Variants in SLC44A5 observed in about 807,000 individuals in gnomAD.
The protein encoded by SLC44A5 is choline transporter-like protein 5.
Under a neutral mutation model 101.8 loss-of-function variants are expected in SLC44A5, and 57 were observed. The observed-to-expected ratio is 0.56, with a 90% CI of 0.45 to 0.70. The LOEUF is 0.70. Ranked by LOEUF, SLC44A5 falls within the 30% of genes least tolerant of loss-of-function variation. The pLI is 0.00. For synonymous variants in SLC44A5, 281 were observed against 290.9 expected (o/e 0.97, Z 0.35); for missense variants, 737 against 853.1 (o/e 0.86, Z 1.70).
chr1:75,353,288 C>T (rs1165566356), intron 3 of SLC44A5, among the ~76,000 whole-genome samples: 2 of 152,208 alleles, frequency 1.3e-5, no homozygotes, highest in Admixed American at 1.3e-4. Context: ...TGAGCATCTG[C>T]TATCATTTTG....
At chr1:75,455,716 T>G (rs555077317) in intron 2 of SLC44A5, among the ~76,000 whole-genome samples, 2 of 152,110 alleles carry the variant, frequency 1.3e-5, no homozygotes, top group East Asian at 3.9e-4. Context: ...CAAACACTTC[T>G]CAAAATAAGA....
chr1:75,648,268 G>A, the SLC44A5 span, among the ~76,000 whole-genome samples: 25 of 152,202 alleles, frequency 1.6e-4, no homozygotes, highest in African/African-American at 5.8e-4. Context: ...CTTCCATGAT[G>A]TTTAAAAGTT....
intron 4 of SLC44A5, among the ~76,000 whole-genome samples, chr1:75,317,084 A>G (rs1453263514): frequency 1.3e-5 from 2 of 152,270 alleles, no homozygotes; most frequent in East Asian, 3.8e-4. Context: ...GAAAACTTCA[A>G]GTGAGCACTT....
chr1:75,601,532 T>TA (rs1162334904), intron 1 of SLC44A5, among the ~76,000 whole-genome samples: 1 of 151,882 alleles, frequency 6.6e-6, no homozygotes, highest in Non-Finnish European at 1.5e-5. Context: ...TAAAGTATAA[T>TA]AAAAAAGAGA....
chr1:75,553,614 G>C lies in SLC44A5; in HGVS notation c.-69-12098C>G, dbSNP rs541582427. ...AATGGGGGAGAAGGGAGGAAAGAAA[G>C]GTATGTCAATAAAAGATTCCATGTT... On this transcript the variant is annotated intron_variant, in intron 1 of 23. Coordinates refer to ENST00000370859, the MANE Select transcript of SLC44A5 (RefSeq NM_001130058.2). Among the ~76,000 whole-genome samples the C allele has an allele frequency of 7.1e-4, 108 of 152,248 alleles. 1 individual carries two copies. The Middle Eastern group carries it at 0.014, about 19-fold the overall frequency.
At chr1:75,516,937 A>G (rs911182141) in intron 2 of SLC44A5, among the ~76,000 whole-genome samples, 2 of 152,198 alleles carry the variant, frequency 1.3e-5, no homozygotes, top group East Asian at 1.9e-4. Flanking sequence ...AATTCTGTTC[A>G]TGGGAAGAAT....
chr1:75,489,040 G>T (rs1181004895), intron 2 of SLC44A5, among the ~76,000 whole-genome samples: 1 of 151,894 alleles, frequency 6.6e-6, no homozygotes, highest in African/African-American at 2.4e-5. Context: ...TGGAGATAGG[G>T]TTTCTCCATG....
intron 4 of SLC44A5, among the ~76,000 whole-genome samples, 161 bp from the exon 5 acceptor site, chr1:75,300,846 C>T (rs1359679779): frequency 2.0e-5 from 3 of 152,108 alleles, no homozygotes; most frequent in Non-Finnish European, 4.4e-5. Flanking sequence ...AGATGTATTT[C>T]TGCAAAGACA....
intron 5 of SLC44A5, among the ~76,000 whole-genome samples, chr1:75,294,729 C>A (rs1334986497): frequency 6.6e-6 from 1 of 152,034 alleles, no homozygotes; most frequent in Non-Finnish European, 1.5e-5. Flanking sequence ...CAAGTTGTGA[C>A]AGCATGAGTG....
intron 1 of SLC44A5, among the ~76,000 whole-genome samples, chr1:75,556,928 C>A (rs956894516): frequency 2.0e-5 from 3 of 152,018 alleles, no homozygotes; most frequent in African/African-American, 7.2e-5. Flanking sequence ...CACCACTACA[C>A]AATATATATG....
chr1:75,447,500 C>A (rs895811091), intron 2 of SLC44A5, among the ~76,000 whole-genome samples: 2 of 152,034 alleles, frequency 1.3e-5, no homozygotes, highest in Admixed American at 1.3e-4. Flanking sequence ...TCATGGAAAA[C>A]AAGAGATGCT....
the SLC44A5 span, among the ~76,000 whole-genome samples, chr1:75,666,930 C>T: frequency 7.9e-5 from 12 of 152,216 alleles, no homozygotes; most frequent in South Asian, 6.2e-4. Flanking sequence ...ATTGATGGAA[C>T]GTATCTCAAA....
chr1:75,495,997 T>A (rs1474357119), intron 2 of SLC44A5, among the ~76,000 whole-genome samples: 1 of 152,142 alleles, frequency 6.6e-6, no homozygotes, highest in Non-Finnish European at 1.5e-5. Context: ...AATTATTCAT[T>A]ATTAACTATA....
At chr1:75,403,598 C>T (rs918316617) in intron 2 of SLC44A5, among the ~76,000 whole-genome samples, 4 of 152,146 alleles carry the variant, frequency 2.6e-5, no homozygotes, top group African/African-American at 9.7e-5. Context: ...AGACCTGCAG[C>T]AGAGGAGCTT....
rs569001054 is a variant in SLC44A5 at position 75,316,604 on chromosome 1, A to G, written c.102-15919T>C. Among the ~76,000 whole-genome samples the G allele has an allele frequency of 4.5e-4, 69 of 152,346 alleles. 2 individuals carry two copies. The South Asian group carries it at 0.014, about 31-fold the overall frequency. On this transcript the variant is annotated intron_variant, in intron 4 of 23. Coordinates refer to ENST00000370859, the MANE Select transcript of SLC44A5 (RefSeq NM_001130058.2). ...TTAACTCTATATCTTTACTTCTATAATCAGTAGTTAATAAATATTTGTTAG... is the reference window on the plus strand; with the variant it reads ...TTAACTCTATATCTTTACTTCTATAGTCAGTAGTTAATAAATATTTGTTAG...
chr1:75,430,863 A>G (rs1002273821), intron 2 of SLC44A5, among the ~76,000 whole-genome samples: 2 of 152,336 alleles, frequency 1.3e-5, no homozygotes, highest in Non-Finnish European at 1.5e-5. Context: ...CTGGGCTCCA[A>G]CCAGATTCAG....
chr1:75,336,217 A>T (rs1311734562), intron 4 of SLC44A5, among the ~76,000 whole-genome samples: 1 of 152,022 alleles, frequency 6.6e-6, no homozygotes, highest in African/African-American at 2.4e-5. Flanking sequence ...GTGCAGTGGC[A>T]TGATCTCAAC....
the SLC44A5 span, among the ~76,000 whole-genome samples, chr1:75,694,433 G>A: frequency 1.3e-5 from 2 of 151,884 alleles, no homozygotes; most frequent in South Asian, 4.2e-4. Flanking sequence ...TTTTAATCAA[G>A]AATCTGTTTT....
chr1:75,611,195 G>T, upstream of SLC44A5: 1 of 631,328 alleles, frequency 1.6e-6, no homozygotes, highest in Non-Finnish European at 2.0e-6. Context: ...TAATCCCTGA[G>T]GTCCTACTAG....
Sources: gnomAD v4.1 joint callset for allele counts (sites outside exome capture counted in the v4.1 genomes callset) on GRCh38, gnomAD v4.1.1 for gene constraint, MANE v1.5 for transcripts, NCBI Gene and HGNC (gene_info 2026-07-23, HGNC 2026-07-21) for gene names.